CSMD1: variants seen among roughly 807,000 people sequenced by gnomAD.
CSMD1 encodes CUB and sushi domain-containing protein 1.
Under a neutral mutation model 417.5 loss-of-function variants are expected in CSMD1, and 213 were observed. The observed-to-expected ratio is 0.51, with a 90% CI of 0.46 to 0.57. The LOEUF is 0.57. CSMD1 is among the 20% of genes least tolerant of loss of function. CSMD1 has a pLI of 0.00. For missense variants in CSMD1, 6,923 were observed against 4,529.7 expected (o/e 1.53, Z -15.17); for synonymous variants, 2,862 against 1,736.8 (o/e 1.65, Z -16.11).
At chr8:4,382,399 C>T (rs1362048187) in intron 3 of CSMD1, among the ~76,000 whole-genome samples, 1 of 152,172 alleles carries the variant, frequency 6.6e-6, no homozygotes, top group African/African-American at 2.4e-5. Context: ...AGCGCATGGT[C>T]AATGAATGAA....
chr8:3,543,675 G>A (rs548018088), intron 10 of CSMD1, among the ~76,000 whole-genome samples: 2 of 152,004 alleles, frequency 1.3e-5, no homozygotes, highest in Admixed American at 1.3e-4. Flanking sequence ...AAGAAGAAAA[G>A]AGTGTGAGAG....
intron 38 of CSMD1, among the ~76,000 whole-genome samples, chr8:3,161,133 T>C (rs1009670146): frequency 6.6e-6 from 1 of 152,206 alleles, no homozygotes; most frequent in Non-Finnish European, 1.5e-5. Context: ...CTTTAGAATA[T>C]ACATGTTTTG....
At chr8:3,332,092 G>A (rs901842564) in intron 23 of CSMD1, among the ~76,000 whole-genome samples, 3 of 152,202 alleles carry the variant, frequency 2.0e-5, no homozygotes, top group African/African-American at 7.2e-5. Flanking sequence ...ACAGACACAT[G>A]ATAGATACGT....
At chr8:3,297,915 C>CAGTAT in intron 25 of CSMD1, among the ~76,000 whole-genome samples, 1 of 151,900 alleles carries the variant, frequency 6.6e-6, no homozygotes, top group Admixed American at 6.6e-5. Flanking sequence ...GAAATCATTT[C>CAGTAT]AGTATAAAAA....
chr8:4,521,391 C>T (rs1333255309), intron 2 of CSMD1, among the ~76,000 whole-genome samples: 1 of 151,954 alleles, frequency 6.6e-6, no homozygotes, highest in African/African-American at 2.4e-5. Flanking sequence ...AAAAACAAAA[C>T]AAAACATCGA....
intron 1 of CSMD1, among the ~76,000 whole-genome samples, chr8:4,806,211 C>G (rs1563445551): frequency 6.6e-6 from 1 of 152,204 alleles, no homozygotes; most frequent in Non-Finnish European, 1.5e-5. Flanking sequence ...CACCAGCTCT[C>G]TAGGTGCAAT....
chr8:4,352,974 G>T (rs1033224463), intron 3 of CSMD1, among the ~76,000 whole-genome samples: 7 of 152,168 alleles, frequency 4.6e-5, no homozygotes, highest in African/African-American at 1.4e-4. Flanking sequence ...ATTCTACCAA[G>T]CCTTTGAATG....
At chr8:4,672,527 A>T (rs1387122290) in intron 1 of CSMD1, among the ~76,000 whole-genome samples, 2 of 152,222 alleles carry the variant, frequency 1.3e-5, no homozygotes, top group African/African-American at 4.8e-5. Flanking sequence ...CTTTGGTGAA[A>T]TATGCACCTA....
At chr8:4,227,394 T>G (rs1051466326) in intron 3 of CSMD1, among the ~76,000 whole-genome samples, 1 of 152,092 alleles carries the variant, frequency 6.6e-6, no homozygotes, top group Non-Finnish European at 1.5e-5. Flanking sequence ...TATCCACTTA[T>G]AAGAACCCTG....
chr8:4,632,745 A>C (rs1802598604), intron 2 of CSMD1, among the ~76,000 whole-genome samples: 1 of 152,188 alleles, frequency 6.6e-6, no homozygotes, highest in Non-Finnish European at 1.5e-5. Context: ...ATGCACACAA[A>C]GAAAATGTAC....
At chr8:3,724,156 G>C (rs1422960232) in intron 6 of CSMD1, among the ~76,000 whole-genome samples, 1 of 51,098 alleles carries the variant, frequency 2.0e-5, no homozygotes, top group Non-Finnish European at 1.0e-4. Flanking sequence ...ACGTTAAAAA[G>C]TTTTGCAAAA....
intron 7 of CSMD1, among the ~76,000 whole-genome samples, chr8:3,674,916 C>G (rs1799293126): frequency 6.6e-6 from 1 of 152,150 alleles, no homozygotes; most frequent in South Asian, 2.1e-4. Context: ...AGATAATGAA[C>G]TTATGCAACA....
At chr8:4,711,019 G>C (rs776627336) in intron 1 of CSMD1, among the ~76,000 whole-genome samples, 57 of 152,004 alleles carry the variant, frequency 3.7e-4, no homozygotes, top group South Asian at 8.3e-4. Flanking sequence ...ATGTGCCCAG[G>C]CCTTTTCTAG....
chr8:4,763,918 ATT>A (rs1252825389), intron 1 of CSMD1, among the ~76,000 whole-genome samples: 5 of 152,250 alleles, frequency 3.3e-5, no homozygotes, highest in Non-Finnish European at 7.3e-5. Flanking sequence ...ACTTCAAAAT[ATT>A]GAGTCTGAAC....
chr8:4,008,598 T>A (rs1338082448), intron 4 of CSMD1, among the ~76,000 whole-genome samples: 1 of 141,192 alleles, frequency 7.1e-6, no homozygotes, highest in Non-Finnish European at 1.5e-5. Context: ...CTTTCTTTTT[T>A]TCTTTTTTTT....
intron 26 of CSMD1, among the ~76,000 whole-genome samples, chr8:3,264,669 T>A (rs927366430): frequency 6.6e-6 from 1 of 152,146 alleles, no homozygotes; most frequent in East Asian, 1.9e-4. Context: ...ATCAAAACTG[T>A]GGGGTCGTAA....
intron 1 of CSMD1, among the ~76,000 whole-genome samples, chr8:4,764,572 A>C (rs1191270573): frequency 6.6e-6 from 1 of 152,144 alleles, no homozygotes; most frequent in African/African-American, 2.4e-5. Flanking sequence ...CTCTCTAAAA[A>C]TATCAATTTA....
chr8:4,133,676 G>T (rs993906603), intron 3 of CSMD1, among the ~76,000 whole-genome samples: 1 of 150,640 alleles, frequency 6.6e-6, no homozygotes, highest in African/African-American at 2.4e-5. Context: ...GGGAAAATAT[G>T]TACAAACATT....
intron 1 of CSMD1, among the ~76,000 whole-genome samples, chr8:4,822,059 T>C (rs1285373466): frequency 1.3e-5 from 2 of 152,110 alleles, no homozygotes; most frequent in African/African-American, 4.8e-5. Context: ...CCCTTTTCTA[T>C]TCTCTTCCTT....
Sources: gnomAD v4.1 joint callset for allele counts (sites outside exome capture counted in the v4.1 genomes callset) on GRCh38, gnomAD v4.1.1 for gene constraint, MANE v1.5 for transcripts, NCBI Gene and HGNC (gene_info 2026-07-23, HGNC 2026-07-21) for gene names.